The following SLX4 variants were observed in gnomAD, a reference collection of about 807,000 sequenced individuals.
SLX4 encodes the protein structure-specific endonuclease subunit SLX4.
In SLX4, 112 loss-of-function variants were observed where a neutral mutation model predicts 146.2. That is an observed-to-expected ratio of 0.77 (90% CI 0.66 to 0.90). The LOEUF (loss-of-function observed/expected upper bound fraction) is 0.90, where lower values mean the gene tolerates loss of function less well. Among genes scored for constraint, SLX4 ranks in the 40% least tolerant of loss-of-function variants. SLX4 has a pLI of 0.00. For missense variants in SLX4, 2,563 were observed against 2,392.7 expected, an observed-to-expected ratio of 1.07 and a Z score of -1.49; for synonymous variants, 1,061 against 997.7, an observed-to-expected ratio of 1.06 and a Z score of -1.20.
chr16:3,592,866 C>T lies in SLX4; in HGVS notation c.2161-1G>A, dbSNP rs2040609660. 6.2e-7 allele frequency: 1 copy of T among 1,609,054 alleles called. No homozygotes were observed. Among genetic ancestry groups the T allele is most frequent in the Non-Finnish European group, 8.5e-7 (1 of 1,177,822 alleles). On this transcript the variant is annotated splice_acceptor_variant, in intron 10 of 14. Coordinates refer to ENST00000294008, the MANE Select transcript of SLX4 (RefSeq NM_032444.4). LOFTEE classifies it high-confidence loss of function. The stretch of plus-strand genomic sequence containing the variant: ...CAGCGGAGAAGCCTTCATTGTTCAC[C>T]TGCAGGTGAAATGCAACACAGAGGG...
rs761333150 is a variant in SLX4 at position 3,608,938 on chromosome 16, C to T, written c.27G>A (p.Gln9=). 3 of 1,613,890 alleles carry T rather than the reference C, an allele frequency of 1.9e-6. No individual in the cohort carries two copies. Among genetic ancestry groups the T allele is most frequent in the Non-Finnish European group, 2.5e-6 (3 of 1,180,024 alleles). MKLSVNEA[Q]LGFYLGSLSH... Reference sequence around the variant, plus strand: ...AAAGTGAACCCAAGTAGAAGCCTAGCTGAGCCTCATTCACACTCAGTTTCA... The same window carrying T: ...AAAGTGAACCCAAGTAGAAGCCTAGTTGAGCCTCATTCACACTCAGTTTCA... The change falls in exon 2 of 15, where the codon CAG becomes CAA. Residue 9 remains glutamine, a synonymous_variant. Coordinates refer to ENST00000294008, the MANE Select transcript of SLX4 (RefSeq NM_032444.4).
chr16:3,598,124 A>G, intron 5 of SLX4, 125 bp from the exon 6 acceptor site: 1 of 1,070,382 alleles, frequency 9.3e-7, no homozygotes, highest in Admixed American at 1.9e-5. Flanking sequence ...TGCCAGGCAG[A>G]TGCGTCCCCC....
Position 3,596,152 on chromosome 16 carries a change from C to G in SLX4, c.1924+1G>C, listed in dbSNP as rs1244244358. 6.4e-7 allele frequency: 1 copy of G among 1,550,436 alleles called. No individual in the cohort carries two copies. The highest frequency in any genetic ancestry group is 1.9e-5 in the Admixed American group (1 of 51,886). On this transcript the variant is annotated splice_donor_variant, in intron 8 of 14. Transcript: ENST00000294008. LOFTEE classifies it high-confidence loss of function. Reference sequence around the variant, plus strand: ...CCCTAGAGTCCCACCCAGCATCTCACCTGCAGTCCCTTCCGAGCCAGCCAG... The same window carrying G: ...CCCTAGAGTCCCACCCAGCATCTCAGCTGCAGTCCCTTCCGAGCCAGCCAG...
At chr16:3,583,036 C>G (rs2040458676) in intron 14 of SLX4, 61 bp downstream of exon 14, 2 of 1,601,358 alleles carry the variant, frequency 1.2e-6, no homozygotes, top group Non-Finnish European at 1.7e-6. Flanking sequence ...CGTGCCAACC[C>G]TCACGCCCAC....
At chr16:3,605,751 T>A (rs965147534) in intron 3 of SLX4, among the ~76,000 whole-genome samples, 8 of 147,492 alleles carry the variant, frequency 5.4e-5, no homozygotes, top group African/African-American at 2.0e-4. Flanking sequence ...ATCGAGACCA[T>A]CCTGGCTAAC....
intron 4 of SLX4, chr16:3,601,507 C>T (rs73505422): frequency 9.5e-4 from 395 of 415,274 alleles, no homozygotes; most frequent in African/African-American, 7.1e-3. Context: ...CCCATGTTCA[C>T]GGCAGCTCTA....
At position 3,597,658 on chromosome 16, in the gene SLX4, G is replaced by A. The variant is rs765351696; in HGVS notation, c.1404C>T (p.Pro468=). ...KSRKKKPPVS[P]PLLLVQDSET... ...CAGAGTCCTGGACTAACAACAATGG[G>A]GGGGATACCGGGGGTTTCTTCTTGC... is the stretch of plus-strand genomic sequence containing the variant. The change falls in exon 7 of 15, where the codon CCC becomes CCT. Residue 468 remains proline (P), a synonymous_variant. Transcript: ENST00000294008. This position sits in a 1 kb window ranked among gnomAD's most constrained non-coding sequence, Gnocchi z 4.4. The A allele has an allele frequency of 2.5e-6, 4 of 1,613,978 alleles. No homozygotes were observed. The highest frequency in any genetic ancestry group is 1.7e-4 in the Middle Eastern group (1 of 6,060).
rs2040722906 is a variant in SLX4 at position 3,601,141 on chromosome 16, G to T, written c.1001C>A (p.Pro334His). The change falls in exon 5 of 15, where the codon CCT becomes CAT. Residue 334 changes from proline (P) to histidine (H), a missense_variant. Coordinates refer to ENST00000294008, the MANE Select transcript of SLX4 (RefSeq NM_032444.4). Reference protein sequence around the residue: ...KTLRPSVPQIPECPICGKPFL... With the variant: ...KTLRPSVPQIHECPICGKPFL... ...CGGTTTCCCACAAATCGGGCACTCA[G>T]GGATCTGAGGCACAGAAGGTCTTAG... 1.2e-6 allele frequency: 2 copies of T among 1,614,146 alleles called. No homozygotes were observed. Among genetic ancestry groups the T allele is most frequent in the Non-Finnish European group, 1.7e-6 (2 of 1,180,044 alleles).
At chr16:3,607,461 G>T (rs1345036509) in intron 2 of SLX4, among the ~76,000 whole-genome samples, 1 of 152,226 alleles carries the variant, frequency 6.6e-6, no homozygotes, top group Non-Finnish European at 1.5e-5. Flanking sequence ...TTTGCATGAA[G>T]AATGTGTAGT....
Position 3,589,766 on chromosome 16 carries a change from G to A in SLX4, c.3872C>T (p.Thr1291Met), listed in dbSNP as rs754761366. Residue 1291 changes from threonine (T) to methionine (M), a missense_variant, in exon 12 of 15, where the codon ACG becomes ATG. Thr to Met is a moderately conservative substitution (Grantham distance 81). Transcript: ENST00000294008. This position sits in a 1 kb window ranked among gnomAD's most constrained non-coding sequence, Gnocchi z 6.2. ...GLAVQAVTQH[T>M]PRASVGNREG... ...CCTGTTTCCTACTGAGGCCCTGGGCGTGTGCTGAGTCACCGCCTGCACGGC... is the reference window on the plus strand; with the variant it reads ...CCTGTTTCCTACTGAGGCCCTGGGCATGTGCTGAGTCACCGCCTGCACGGC... 3.3e-5 allele frequency: 54 copies of A among 1,613,580 alleles called. No individual in the cohort carries two copies. The highest frequency in any genetic ancestry group is 1.6e-4 in the Middle Eastern group (1 of 6,084).
chr16:3,597,654 A>G lies in SLX4; in HGVS notation c.1408T>C (p.Leu470=), dbSNP rs574659618. The change falls in exon 7 of 15, where the codon TTG becomes CTG. Residue 470 remains leucine (L), a synonymous_variant. Transcript: ENST00000294008. This position sits in a 1 kb window ranked among gnomAD's most constrained non-coding sequence, Gnocchi z 4.4. ...GTTTCAGAGTCCTGGACTAACAACA[A>G]TGGGGGGGATACCGGGGGTTTCTTC... The part of the protein sequence containing the change: ...RKKKPPVSPP[L]LLVQDSETTG... 3 of 1,582,314 alleles carry G rather than the reference A, an allele frequency of 1.9e-6. No homozygotes were observed. The highest frequency in any genetic ancestry group is 3.4e-5 in the Admixed American group (2 of 59,056).
intron 10 of SLX4, 131 bp downstream of exon 10, chr16:3,594,322 G>T: frequency 7.8e-7 from 1 of 1,284,058 alleles, no homozygotes; most frequent in Non-Finnish European, 1.1e-6. Context: ...TGAGAACATG[G>T]TGGGGCAGGA....
Position 3,589,516 on chromosome 16 carries a change from C to T in SLX4, c.4122G>A (p.Leu1374=), listed in dbSNP as rs891355584. 1.2e-6 allele frequency: 2 copies of T among 1,609,578 alleles called. No homozygotes were observed. Among genetic ancestry groups the T allele is most frequent in the African/African-American group, 2.7e-5 (2 of 74,858 alleles). Residue 1374 remains leucine (L), a synonymous_variant, in exon 12 of 15, where the codon CTG becomes CTA. Transcript: ENST00000294008. The surrounding 1 kb of genome is among the most constrained non-coding windows in gnomAD (Gnocchi z 6.2). The part of the protein sequence containing the change: ...GDRAHFSRRF[L]KHSPPGPSFL... The stretch of plus-strand genomic sequence containing the variant: ...AGCTTGGCCCAGGCGGCGAGTGTTT[C>T]AGGAACCGCCTGCTGAAGTGGGCGC...
intron 3 of SLX4, among the ~76,000 whole-genome samples, chr16:3,606,046 G>A (rs1473982846): frequency 6.6e-6 from 1 of 151,854 alleles, no homozygotes; most frequent in Admixed American, 6.6e-5. Context: ...GATCACTTGA[G>A]GTCAGGAGTT....
At chr16:3,584,983 CGTT>C in intron 12 of SLX4, 112 bp from the exon 13 acceptor site, 2 of 854,778 alleles carry the variant, frequency 2.3e-6, no homozygotes, top group South Asian at 2.7e-5. Context: ...ACCCAAGCAT[CGTT>C]TTGCTCCATG....
chr16:3,609,748 C>A (rs974060085), intron 1 of SLX4, among the ~76,000 whole-genome samples, 182 bp from the exon 2 acceptor site: 1 of 152,214 alleles, frequency 6.6e-6, no homozygotes, highest in African/African-American at 2.4e-5. Flanking sequence ...AACAAAAGGA[C>A]CTAGAAACCT....
Position 3,594,538 on chromosome 16 carries a change from T to C in SLX4, c.2075A>G (p.Asp692Gly). Residue 692 changes from aspartate to glycine, a missense_variant, in exon 10 of 15, where the codon GAT (aspartate) becomes GGT (glycine). Physicochemically the swap from Asp to Gly is moderately conservative, Grantham distance 94. Coordinates refer to ENST00000294008, the MANE Select transcript of SLX4 (RefSeq NM_032444.4). ...GAMVNNPHLS[D>G]VQFQTDSGEV... ...CCCGCTGTCCGTCTGAAACTGGACATCACTCAGGTGTGGGTTATTGACCAT... is the reference window on the plus strand; with the variant it reads ...CCCGCTGTCCGTCTGAAACTGGACACCACTCAGGTGTGGGTTATTGACCAT... 1 of 1,614,076 alleles carries C rather than the reference T, an allele frequency of 6.2e-7. No individual in the cohort carries two copies. The highest frequency in any genetic ancestry group is 8.5e-7 in the Non-Finnish European group (1 of 1,180,030).
At position 3,591,035 on chromosome 16, in the gene SLX4, T is replaced by C; in HGVS notation, c.2603A>G (p.Glu868Gly). The change falls in exon 12 of 15, where the codon GAA becomes GGA. Residue 868 changes from glutamate (E) to glycine (G), a missense_variant. Coordinates refer to ENST00000294008, the MANE Select transcript of SLX4 (RefSeq NM_032444.4). ...GTCCTCGCCGGCACCCGCTGCCCTT[T>C]CTTCCTGGAGAAGCTTTCGCTGAGT... The part of the protein sequence containing the change: ...AATQRKLLQE[E>G]RAAGAGEDAD... 6.2e-7 allele frequency: 1 copy of C among 1,614,218 alleles called. No homozygotes were observed. The highest frequency in any genetic ancestry group is 8.5e-7 in the Non-Finnish European group (1 of 1,180,052).
At chr16:3,610,323 T>C (rs2040841722) in intron 1 of SLX4, among the ~76,000 whole-genome samples, 1 of 152,228 alleles carries the variant, frequency 6.6e-6, no homozygotes, top group South Asian at 2.1e-4. Context: ...AGAAGTGTCC[T>C]CTAATCCTTT....
Sources: gnomAD v4.1 joint callset for allele counts (sites outside exome capture counted in the v4.1 genomes callset) on GRCh38, gnomAD v4.1.1 for gene constraint, Gnocchi (gnomAD v3.1) non-coding constraint, MANE v1.5 for transcripts, NCBI Gene and HGNC (gene_info 2026-07-23, HGNC 2026-07-21) for gene names.